Variants in OR2L13 observed in about 807,000 individuals in gnomAD.
OR2L13 encodes the protein olfactory receptor 2L13.
OR2L13 carries 14 observed loss-of-function variants against 15.3 expected under a neutral mutation model. The ratio of observed to expected loss-of-function variants is 0.91; its 90% confidence interval spans 0.60 to 1.43. The LOEUF is 1.43. Ranked by LOEUF, OR2L13 falls within the 40% of genes most tolerant of loss-of-function variation. The pLI, the probability that OR2L13 is intolerant of heterozygous loss-of-function variation, is 0.00. For missense variants in OR2L13, 367 were observed against 387.9 expected (o/e 0.95, Z 0.45); for synonymous variants, 152 against 142.9 (o/e 1.06, Z -0.45).
At chr1:247,944,251 A>C in the OR2L13 span, among the ~76,000 whole-genome samples, 1 of 151,432 alleles carries the variant, frequency 6.6e-6, no homozygotes, top group Non-Finnish European at 1.5e-5. Context: ...TGGAGATTCC[A>C]TTGAATCTTT....
chr1:248,080,203 A>G, the OR2L13 span, among the ~76,000 whole-genome samples: 1 of 152,188 alleles, frequency 6.6e-6, no homozygotes, highest in Non-Finnish European at 1.5e-5. Flanking sequence ...GTATTAAATA[A>G]ATCTGTATTA....
chr1:248,066,890 A>G, the OR2L13 span, among the ~76,000 whole-genome samples: 1 of 152,356 alleles, frequency 6.6e-6, no homozygotes, highest in East Asian at 1.9e-4. Context: ...CTAAAACTTA[A>G]CTAGTGAAGA....
chr1:248,038,424 C>T, the OR2L13 span: 4 of 1,613,626 alleles, frequency 2.5e-6, no homozygotes, highest in Non-Finnish European at 3.4e-6. Context: ...TTTGGACATC[C>T]ATCTCCACAC....
chr1:248,078,433 A>C, the OR2L13 span, among the ~76,000 whole-genome samples: 8 of 152,012 alleles, frequency 5.3e-5, no homozygotes, highest in Non-Finnish European at 8.8e-5. Context: ...AGATCGCGCC[A>C]TTGTATTCCA....
the OR2L13 span, among the ~76,000 whole-genome samples, chr1:248,075,561 G>A: frequency 6.6e-6 from 1 of 152,130 alleles, no homozygotes; most frequent in Non-Finnish European, 1.5e-5. Flanking sequence ...GGCGTGAGAT[G>A]GTATCTCATT....
the OR2L13 span, among the ~76,000 whole-genome samples, chr1:248,014,109 TGGTTTGATTTCTTTTGC>T: frequency 5.9e-5 from 9 of 152,158 alleles, no homozygotes; most frequent in Non-Finnish European, 1.3e-4. Flanking sequence ...TTTTTGGTTT[TGGTTTGATTTCTTTTGC>T]CACAAGTGGT....
chr1:247,992,490 AG>A, the OR2L13 span, among the ~76,000 whole-genome samples: 1 of 152,090 alleles, frequency 6.6e-6, no homozygotes, highest in Admixed American at 6.5e-5. Context: ...GTCACCTGGT[AG>A]TGAACATAGT....
the OR2L13 span, chr1:248,083,643 C>T: frequency 1.6e-5 from 24 of 1,466,988 alleles, no homozygotes; most frequent in Non-Finnish European, 2.2e-5. Flanking sequence ...TCATCTTGAC[C>T]TGTGGGCCTC....
At chr1:248,018,011 C>T in the OR2L13 span, among the ~76,000 whole-genome samples, 114 of 151,936 alleles carry the variant, frequency 7.5e-4, no homozygotes, top group African/African-American at 2.7e-3. Context: ...AAAAATTAGC[C>T]TGGCGTGGTG....
chr1:248,021,815 A>G, the OR2L13 span: 107 of 644,644 alleles, frequency 1.7e-4, 3 homozygotes, highest in East Asian at 2.7e-3. Flanking sequence ...AATAGTGTAT[A>G]TAGGGTTCAG....
At chr1:247,982,007 G>A in the OR2L13 span, among the ~76,000 whole-genome samples, 1 of 152,022 alleles carries the variant, frequency 6.6e-6, no homozygotes, top group South Asian at 2.1e-4. Flanking sequence ...AGTAGAGACG[G>A]GGTTTCACCG....
the OR2L13 span, among the ~76,000 whole-genome samples, chr1:247,941,617 G>A: frequency 4.6e-5 from 7 of 152,068 alleles, no homozygotes; most frequent in Non-Finnish European, 1.0e-4. Context: ...TTGGACAGAC[G>A]CCGAATGGAG....
At chr1:248,095,607 C>CTTTTTTGTTTTTTTTTTTTTTTTTTTT (rs1664716034), upstream of OR2L13, among the ~76,000 whole-genome samples, 1 of 37,294 alleles carries the variant, frequency 2.7e-5, no homozygotes, top group African/African-American at 7.2e-5. Context: ...AAAGCTGCTG[C>CTTTTTTGTTTTTTTTTTTTTTTTTTTT]TTTTTTTTTT....
the OR2L13 span, among the ~76,000 whole-genome samples, chr1:248,010,700 G>GAT: frequency 6.9e-6 from 1 of 144,596 alleles, no homozygotes; most frequent in Non-Finnish European, 1.5e-5. Context: ...TGTCTCTTTT[G>GAT]ATCTTTGTTG....
At chr1:248,001,817 T>C in the OR2L13 span, among the ~76,000 whole-genome samples, 1 of 152,116 alleles carries the variant, frequency 6.6e-6, no homozygotes. Flanking sequence ...AAATATCAGA[T>C]CTGATGTGTC....
the OR2L13 span, among the ~76,000 whole-genome samples, chr1:247,953,494 A>T: frequency 6.6e-6 from 1 of 152,162 alleles, no homozygotes; most frequent in African/African-American, 2.4e-5. Context: ...TTAAAGGATG[A>T]GTATCTTTCT....
At chr1:247,973,051 G>T in the OR2L13 span, among the ~76,000 whole-genome samples, 1 of 152,018 alleles carries the variant, frequency 6.6e-6, no homozygotes, top group South Asian at 2.1e-4. Flanking sequence ...ATAGATGCAG[G>T]AAAGGCTTTC....
the OR2L13 span, among the ~76,000 whole-genome samples, chr1:247,952,402 T>G: frequency 6.6e-6 from 1 of 152,136 alleles, no homozygotes; most frequent in Admixed American, 6.5e-5. Flanking sequence ...TGGGAAATGA[T>G]TAGGTCATGA....
chr1:248,019,875 C>T, the OR2L13 span, among the ~76,000 whole-genome samples: 1 of 152,212 alleles, frequency 6.6e-6, no homozygotes, highest in East Asian at 1.9e-4. Context: ...CAACCTCGGC[C>T]TCCTGGGCTC....
Sources: allele counts gnomAD v4.1 joint callset (sites outside exome capture counted in the v4.1 genomes callset), GRCh38; gene constraint gnomAD v4.1.1; transcripts MANE v1.5; gene names NCBI Gene and HGNC (gene_info 2026-07-23, HGNC 2026-07-21).